Variants in ZCCHC14 observed in about 807,000 individuals in gnomAD.
ZCCHC14 encodes zinc finger CCHC-type containing 14, also known as zinc finger CCHC domain-containing protein 14.
Under a neutral mutation model 85.0 loss-of-function variants are expected in ZCCHC14, and 16 were observed. The ratio of observed to expected loss-of-function variants is 0.19; its 90% CI spans 0.13 to 0.29. ZCCHC14 has a LOEUF of 0.29. ZCCHC14 is among the 10% of genes least tolerant of loss of function. The pLI is 1.00. For synonymous variants in ZCCHC14, 775 were observed against 630.7 expected (o/e 1.23, Z -3.43); for missense variants, 1,303 against 1,443.5 (o/e 0.90, Z 1.58).
intron 2 of ZCCHC14, among the ~76,000 whole-genome samples, chr16:87,440,395 C>T (rs1910126890): frequency 6.6e-6 from 1 of 152,088 alleles, no homozygotes; most frequent in South Asian, 2.1e-4. Context: ...GAACTCCTAA[C>T]CTCAAGTGAT....
At position 87,491,604 on chromosome 16, in the gene ZCCHC14, G is replaced by A. The variant is rs987522711; in HGVS notation, c.570+65C>T. Reference sequence around the variant, plus strand: ...CGGGGGGTCGCGGTGCAGGCTGGAGGCTTGGAGTGCAGAGTTGGGGATGCA... The same window carrying A: ...CGGGGGGTCGCGGTGCAGGCTGGAGACTTGGAGTGCAGAGTTGGGGATGCA... On this transcript the variant is annotated intron_variant, in intron 1 of 12. Coordinates refer to ENST00000671377, the MANE Select transcript of ZCCHC14 (RefSeq NM_015144.3). The surrounding 1 kb of genome is among the most constrained non-coding windows in gnomAD (Gnocchi z 5.9). 2.0e-5 allele frequency: 27 copies of A among 1,326,854 alleles called. No individual in the cohort carries two copies. Among genetic ancestry groups the A allele is most frequent in the Admixed American group, 3.8e-5 (1 of 26,342 alleles). 82.2% of individuals were successfully genotyped at this position (1,326,854 alleles called of 1,614,324 possible). A position where few individuals can be genotyped will look rare whatever the true frequency, so the allele number is the denominator to read the frequency against.
At chr16:87,460,767 A>G (rs1180988633) in intron 1 of ZCCHC14, among the ~76,000 whole-genome samples, 1 of 152,220 alleles carries the variant, frequency 6.6e-6, no homozygotes, top group African/African-American at 2.4e-5. Flanking sequence ...TTTTATTTTC[A>G]TATTTCTTCA....
At chr16:87,460,436 T>C (rs148592621) in intron 1 of ZCCHC14, among the ~76,000 whole-genome samples, 2,536 of 152,318 alleles carry the variant, frequency 0.017, 25 homozygotes, top group Middle Eastern at 0.048. Context: ...ACGCCTGTTA[T>C]CCCAGCACTT....
chr16:87,426,336 A>G (rs535836159), intron 3 of ZCCHC14, among the ~76,000 whole-genome samples: 1 of 152,276 alleles, frequency 6.6e-6, no homozygotes, highest in Admixed American at 6.5e-5. Context: ...AGCATCCACA[A>G]CCAGCTACCC....
At chr16:87,415,110 G>A (rs908519977) in intron 9 of ZCCHC14, among the ~76,000 whole-genome samples, 166 bp downstream of exon 9, 3 of 151,984 alleles carry the variant, frequency 2.0e-5, no homozygotes, top group African/African-American at 4.8e-5. Context: ...AAAATAATCC[G>A]TCTCAAAAAA....
chr16:87,443,972 G>A (rs6540047), intron 2 of ZCCHC14, among the ~76,000 whole-genome samples: 17,506 of 144,360 alleles, frequency 0.12, 3,381 homozygotes, highest in African/African-American at 0.41. Context: ...GGGAGGCGGA[G>A]ATTACAGTGA....
At chr16:87,445,070 C>CTTT (rs56137815) in intron 2 of ZCCHC14, among the ~76,000 whole-genome samples, 4 of 140,482 alleles carry the variant, frequency 2.8e-5, no homozygotes, top group Admixed American at 7.1e-5. Context: ...TCAAAATAAA[C>CTTT]TTTTTTTTTT....
At chr16:87,453,879 G>T (rs1016297192) in intron 2 of ZCCHC14, among the ~76,000 whole-genome samples, 2 of 152,196 alleles carry the variant, frequency 1.3e-5, no homozygotes, top group Non-Finnish European at 1.5e-5. Context: ...GGATTTGAAA[G>T]CAGCTATTAT....
chr16:87,483,658 C>T (rs973844063), intron 1 of ZCCHC14, among the ~76,000 whole-genome samples: 2 of 152,226 alleles, frequency 1.3e-5, no homozygotes, highest in African/African-American at 4.8e-5. Context: ...CTCCACCTAA[C>T]TGTATGGCCG....
At chr16:87,475,817 T>G (rs1911981715) in intron 1 of ZCCHC14, among the ~76,000 whole-genome samples, 1 of 152,032 alleles carries the variant, frequency 6.6e-6, no homozygotes, top group Non-Finnish European at 1.5e-5. Context: ...AGAGAGAGAT[T>G]GAGGCAGAAA....
chr16:87,481,549 GGGGA>G, intron 1 of ZCCHC14, among the ~76,000 whole-genome samples: 3 of 61,888 alleles, frequency 4.8e-5, no homozygotes, highest in African/African-American at 1.6e-4. Context: ...GGGTGGGGGG[GGGGA>G]AGGGTAAGCG....
chr16:87,449,490 C>T (rs950967779), intron 2 of ZCCHC14, among the ~76,000 whole-genome samples: 2 of 152,052 alleles, frequency 1.3e-5, no homozygotes, highest in African/African-American at 2.4e-5. Flanking sequence ...AGAGGCGCAG[C>T]GACAGACCCC....
At chr16:87,460,408 G>C (rs898031029) in intron 1 of ZCCHC14, among the ~76,000 whole-genome samples, 18 of 152,292 alleles carry the variant, frequency 1.2e-4, no homozygotes, top group African/African-American at 4.1e-4. Flanking sequence ...TAGCCAAAGA[G>C]GCCGGGCACG....
At position 87,423,837 on chromosome 16, in the gene ZCCHC14, G is replaced by A. The variant is rs1194401407; in HGVS notation, c.813C>T (p.Ser271=). Residue 271 remains serine, a synonymous_variant, in exon 4 of 13, where the codon TCC becomes TCT. Coordinates refer to ENST00000671377, the MANE Select transcript of ZCCHC14 (RefSeq NM_015144.3). The part of the protein sequence containing the change: ...DSSITSVTKS[S]SEVTEFISKL... ...TTGAAATAAATTCCGTCACTTCAGA[G>A]GAAGATTTGGTTACTGATGTTATTG... The A allele has an allele frequency of 6.2e-7, 1 of 1,614,154 alleles. No individual in the cohort carries two copies. The highest frequency in any genetic ancestry group is 2.2e-5 in the East Asian group (1 of 44,886).
intron 2 of ZCCHC14, among the ~76,000 whole-genome samples, chr16:87,433,530 G>C (rs575224880): frequency 6.6e-6 from 1 of 152,288 alleles, no homozygotes; most frequent in East Asian, 1.9e-4. Flanking sequence ...GCAGCCTCCC[G>C]GGTTCACCCT....
chr16:87,469,667 G>A (rs147603841), intron 1 of ZCCHC14, among the ~76,000 whole-genome samples: 3 of 152,292 alleles, frequency 2.0e-5, no homozygotes, highest in African/African-American at 4.8e-5. Flanking sequence ...TGGTGCTTGC[G>A]GTGTGGCTGG....
rs1329028330 is a variant in ZCCHC14 at position 87,411,671 on chromosome 16, G to A, written c.3050C>T (p.Ala1017Val). Residue 1017 changes from alanine (A) to valine (V), a missense_variant, in exon 12 of 13, where the codon GCA becomes GTA. Ala to Val is a moderately conservative substitution (Grantham distance 64). Coordinates refer to ENST00000671377, the MANE Select transcript of ZCCHC14 (RefSeq NM_015144.3). ...FAVPPMQNFM[A>V]GTAGVYQTQG... ...GGTCTGGTACACCCCTGCTGTCCCT[G>A]CCATGAAGTTCTGCATGGGTGGCAC... The A allele has an allele frequency of 1.1e-5, 18 of 1,613,980 alleles. No homozygotes were observed. Among genetic ancestry groups the A allele is most frequent in the African/African-American group, 8.0e-5 (6 of 74,936 alleles).
rs151320364 is a variant in ZCCHC14 at position 87,448,092 on chromosome 16, T to C, written c.694+11916A>G. Among the ~76,000 whole-genome samples the C allele has an allele frequency of 6.6e-5, 10 of 152,350 alleles. No individual in the cohort carries two copies. The East Asian group carries it at 1.9e-3, about 29-fold the overall frequency. The stretch of plus-strand genomic sequence containing the variant: ...AATCTACTGCTTGGAATGCATACCA[T>C]TCTTCCATAGGAAGATAATCTTCAC... On this transcript the variant is annotated intron_variant, in intron 2 of 12. Transcript: ENST00000671377.
Position 87,460,136 on chromosome 16 carries a change from G to C in ZCCHC14, c.571-5C>G, listed in dbSNP as rs756955330. 4 of 1,613,648 alleles carry C rather than the reference G, an allele frequency of 2.5e-6. No individual in the cohort carries two copies. The African/African-American group carries it at 4.0e-5, about 16-fold the overall frequency. On this transcript the variant is annotated splice_region_variant and splice_polypyrimidine_tract_variant and intron_variant, in intron 1 of 12. Transcript: ENST00000671377. The stretch of plus-strand genomic sequence containing the variant: ...GGCCTCAGTTCTTGGAGTGATCTGA[G>C]GGAACAGAAACAGAATCATCTTATT...
Sources: allele counts gnomAD v4.1 joint callset (sites outside exome capture counted in the v4.1 genomes callset), GRCh38; gene constraint gnomAD v4.1.1; non-coding constraint Gnocchi (gnomAD v3.1); transcripts MANE v1.5; gene names NCBI Gene and HGNC (gene_info 2026-07-23, HGNC 2026-07-21).